CLOCK: variants seen among roughly 807,000 people sequenced by gnomAD.
CLOCK encodes circadian locomoter output cycles protein kaput.
Under a neutral mutation model 118.4 loss-of-function variants are expected in CLOCK, and 43 were observed. The observed-to-expected ratio is 0.36, with a 90% confidence interval of 0.28 to 0.47. CLOCK has a LOEUF of 0.47. CLOCK is among the 20% of genes least tolerant of loss of function. CLOCK has a pLI of 1.00. For missense variants in CLOCK, 846 were observed against 999.9 expected (o/e 0.85, Z 2.08); for synonymous variants, 326 against 339.2 (o/e 0.96, Z 0.43).
chr4:55,453,604 G>T (rs1321002008), intron 14 of CLOCK, 73 bp downstream of exon 14: 6 of 1,291,308 alleles, frequency 4.6e-6, no homozygotes, highest in Non-Finnish European at 5.6e-6. Context: ...AACAACTTAC[G>T]CATAAAAGTT....
chr4:55,439,584 C>T (rs1723178691), intron 21 of CLOCK, among the ~76,000 whole-genome samples: 1 of 152,128 alleles, frequency 6.6e-6, no homozygotes, highest in South Asian at 2.1e-4. Flanking sequence ...CAGCATTATT[C>T]ACAGGAGCCA....
At chr4:55,511,901 ACACATTTAAGATTT>A (rs1729173203) in intron 1 of CLOCK, among the ~76,000 whole-genome samples, 3 of 151,986 alleles carry the variant, frequency 2.0e-5, no homozygotes, top group Admixed American at 2.0e-4. Context: ...CTTAGTAAAT[ACACATTTAAGATTT>A]CTCCATGTCT....
chr4:55,480,180 T>C (rs776637077), intron 4 of CLOCK, among the ~76,000 whole-genome samples: 1 of 152,244 alleles, frequency 6.6e-6, no homozygotes, highest in Non-Finnish European at 1.5e-5. Flanking sequence ...TTGACAAATA[T>C]GTATTAGCAC....
intron 1 of CLOCK, among the ~76,000 whole-genome samples, chr4:55,533,374 AGT>A (rs1179019758): frequency 6.6e-6 from 1 of 152,234 alleles, no homozygotes; most frequent in East Asian, 1.9e-4. Flanking sequence ...GAGAAAAAAC[AGT>A]CTCTACAACA....
intron 1 of CLOCK, among the ~76,000 whole-genome samples, chr4:55,524,551 T>C (rs1006913439): frequency 2.0e-5 from 3 of 152,230 alleles, no homozygotes; most frequent in African/African-American, 7.2e-5. Flanking sequence ...AATTCACCTA[T>C]TATATGAATA....
intron 22 of CLOCK, among the ~76,000 whole-genome samples, chr4:55,436,981 T>TC (rs955123639): frequency 5.4e-5 from 8 of 148,604 alleles, no homozygotes; most frequent in African/African-American, 2.0e-4. Context: ...TTAAGGCAGG[T>TC]CCTCTCCTTT....
In CLOCK at chr4:55,449,636, C is replaced by G. The variant is rs1486737321; in HGVS notation, c.1349-140G>C. On this transcript the variant is annotated intron_variant, in intron 16 of 22. Transcript: ENST00000513440. ...CATTCAATGAAAGTGAAGTCCATGACAGATGATTCAATGTAGTTACTTCTA... is the reference window on the plus strand; with the variant it reads ...CATTCAATGAAAGTGAAGTCCATGAGAGATGATTCAATGTAGTTACTTCTA... 5.6e-6 allele frequency: 4 copies of G among 714,630 alleles called. No individual in the cohort carries two copies. The Admixed American group carries it at 9.2e-5, about 16-fold the overall frequency. The allele number at this position is 714,630 out of a possible 1,614,324, so 44.3% of individuals were successfully genotyped here.
chr4:55,458,383 G>A (rs1323825836), intron 11 of CLOCK, among the ~76,000 whole-genome samples: 1 of 152,036 alleles, frequency 6.6e-6, no homozygotes, highest in Non-Finnish European at 1.5e-5. Context: ...TTAAATCTTA[G>A]CCTGGCTGCC....
intron 22 of CLOCK, among the ~76,000 whole-genome samples, chr4:55,436,988 C>CT (rs1432911227): frequency 6.8e-6 from 1 of 146,670 alleles, no homozygotes; most frequent in Non-Finnish European, 1.5e-5. Context: ...AGGTCCTCTC[C>CT]TTTTTTTAGC....
chr4:55,451,528 T>C (rs1724454546), intron 15 of CLOCK, among the ~76,000 whole-genome samples: 1 of 152,156 alleles, frequency 6.6e-6, no homozygotes, highest in Non-Finnish European at 1.5e-5. Flanking sequence ...TTCTCAAAAA[T>C]ATCTCAGAAG....
In CLOCK at chr4:55,459,124, T is replaced by C. The variant is rs759069396; in HGVS notation, c.673+24A>G. 5 of 1,487,316 alleles carry C rather than the reference T, an allele frequency of 3.4e-6. No homozygotes were observed. In the South Asian group the frequency reaches 5.7e-5, roughly 17 times the overall value. The allele number at this position is 1,487,316 out of a possible 1,614,324, so 92.1% of individuals were successfully genotyped here. On this transcript the variant is annotated intron_variant, in intron 10 of 22. Coordinates refer to ENST00000513440, the MANE Select transcript of CLOCK (RefSeq NM_004898.4). ...AGAAAAATAACAAGTTAAAACACAT[T>C]GTGAGAGAAGCATTTTAACTCACCA... is the stretch of plus-strand genomic sequence containing the variant.
chr4:55,457,098 G>A (rs1316478596), intron 11 of CLOCK, among the ~76,000 whole-genome samples: 8 of 152,124 alleles, frequency 5.3e-5, no homozygotes, highest in Non-Finnish European at 1.2e-4. Context: ...ATTCACACAT[G>A]CCTATAAACG....
At chr4:55,453,893 G>T in intron 13 of CLOCK, 69 bp from the exon 14 acceptor site, 1 of 1,198,424 alleles carries the variant, frequency 8.3e-7, no homozygotes, top group Non-Finnish European at 1.2e-6. Flanking sequence ...TTAACCAAAA[G>T]CTATCATTTA....
intron 1 of CLOCK, among the ~76,000 whole-genome samples, chr4:55,513,574 C>A (rs1056002747): frequency 3.3e-5 from 5 of 152,108 alleles, no homozygotes; most frequent in Non-Finnish European, 5.9e-5. Context: ...GTCTTGAAGT[C>A]AGGCAATGTT....
rs189003189 is a variant in CLOCK at position 55,448,842 on chromosome 4, T to C, written c.1476A>G (p.Ser492=). The C allele has an allele frequency of 1.9e-6, 3 of 1,613,928 alleles. No individual in the cohort carries two copies. The African/African-American group carries it at 4.0e-5, about 22-fold the overall frequency. Residue 492 remains serine, a synonymous_variant, in exon 18 of 23, where the codon TCA becomes TCG. Transcript: ENST00000513440. ...GAGACATCACTGGCTGTGTTAATGATGAACCAACAGACTGGGAATTTATGG... is the reference window on the plus strand; with the variant it reads ...GAGACATCACTGGCTGTGTTAATGACGAACCAACAGACTGGGAATTTATGG... ...SQSINSQSVG[S]SLTQPVMSQA...
chr4:55,459,222 C>T lies in CLOCK; in HGVS notation c.599G>A (p.Gly200Glu), dbSNP rs1311555098. The change falls in exon 10 of 23, where the codon GGA becomes GAA. Residue 200 changes from glycine to glutamate, a missense_variant. By Grantham distance (98) the Gly-to-Glu change is moderately conservative. Transcript: ENST00000513440. ...AGATGGCTCCTTTGGGTCTATTGTTCCTCGCAGCATGTGACAACAGAATTC... is the reference window on the plus strand; with the variant it reads ...AGATGGCTCCTTTGGGTCTATTGTTTCTCGCAGCATGTGACAACAGAATTC... Reference protein sequence around the residue: ...QLEFCCHMLRGTIDPKEPSTY... With the variant: ...QLEFCCHMLRETIDPKEPSTY... 1.9e-6 allele frequency: 3 copies of T among 1,612,148 alleles called. No homozygotes were observed. The highest frequency in any genetic ancestry group is 2.5e-6 in the Non-Finnish European group (3 of 1,178,520).
chr4:55,516,012 A>AT (rs1482702732), intron 1 of CLOCK, among the ~76,000 whole-genome samples: 4 of 152,092 alleles, frequency 2.6e-5, no homozygotes, highest in Non-Finnish European at 4.4e-5. Flanking sequence ...GTATTTGGGG[A>AT]TTTTCCAGCT....
intron 1 of CLOCK, chr4:55,540,700 C>CGCAGCT (rs1731215171): frequency 6.6e-6 from 1 of 152,180 alleles, no homozygotes; most frequent in Admixed American, 6.5e-5. Flanking sequence ...CAACCAAGCA[C>CGCAGCT]GCAGCTTCAG....
At chr4:55,478,208 T>G (rs1418576914) in intron 6 of CLOCK, among the ~76,000 whole-genome samples, 7 of 152,126 alleles carry the variant, frequency 4.6e-5, no homozygotes, top group Non-Finnish European at 1.0e-4. Context: ...TTTCCATGAC[T>G]CATTTGTCAA....
Sources: gnomAD v4.1 joint callset for allele counts (sites outside exome capture counted in the v4.1 genomes callset) on GRCh38, gnomAD v4.1.1 for gene constraint, MANE v1.5 for transcripts, NCBI Gene and HGNC (gene_info 2026-07-23, HGNC 2026-07-21) for gene names.